PDGFRL: variants seen among roughly 807,000 people sequenced by gnomAD.
PDGFRL encodes platelet-derived growth factor receptor-like protein.
In PDGFRL, 46 loss-of-function variants were observed where a neutral mutation model predicts 37.2. That is an observed-to-expected ratio of 1.24 (90% CI 0.98 to 1.58). PDGFRL has a LOEUF of 1.58. Among genes scored for constraint, PDGFRL ranks in the 40% most tolerant of loss-of-function variants. The pLI is 0.00. For synonymous variants in PDGFRL, 251 were observed against 184.3 expected (o/e 1.36, Z -2.93); for missense variants, 692 against 467.6 (o/e 1.48, Z -4.43).
intron 1 of PDGFRL, among the ~76,000 whole-genome samples, chr8:17,578,671 AC>A (rs1432822575): frequency 1.3e-5 from 2 of 152,130 alleles, no homozygotes; most frequent in African/African-American, 2.4e-5. Context: ...CTTTGTTTAT[AC>A]CCAACTTGCC....
chr8:17,585,779 T>C (rs572711811), intron 1 of PDGFRL, among the ~76,000 whole-genome samples: 1 of 152,316 alleles, frequency 6.6e-6, no homozygotes, highest in African/African-American at 2.4e-5. Flanking sequence ...AATGAATTTA[T>C]TTTCTCCTCC....
chr8:17,582,504 C>T (rs1452492273), intron 1 of PDGFRL, among the ~76,000 whole-genome samples: 1 of 148,466 alleles, frequency 6.7e-6, no homozygotes, highest in Admixed American at 6.8e-5. Flanking sequence ...GTCGCTTGAA[C>T]TCGGGAAGAG....
chr8:17,637,713 G>T (rs1366056218), intron 5 of PDGFRL, among the ~76,000 whole-genome samples: 1 of 151,972 alleles, frequency 6.6e-6, no homozygotes, highest in Non-Finnish European at 1.5e-5. Flanking sequence ...TATTTTTGTT[G>T]GCAGTTTTTT....
intron 2 of PDGFRL, among the ~76,000 whole-genome samples, chr8:17,620,041 G>A (rs897740633): frequency 6.6e-6 from 1 of 152,060 alleles, no homozygotes; most frequent in African/African-American, 2.4e-5. Context: ...TGACTCACTG[G>A]AATCTCAAAT....
At chr8:17,609,629 C>G (rs1418440791) in intron 2 of PDGFRL, among the ~76,000 whole-genome samples, 1 of 70,128 alleles carries the variant, frequency 1.4e-5, no homozygotes, top group Non-Finnish European at 2.5e-5. Context: ...CAGAGTGAGA[C>G]TCTGTAAAAA....
intron 2 of PDGFRL, among the ~76,000 whole-genome samples, chr8:17,604,788 G>A (rs1396160848): frequency 1.3e-5 from 2 of 152,018 alleles, no homozygotes; most frequent in East Asian, 3.9e-4. Context: ...ATTATGAGTC[G>A]AGGATTTAAA....
chr8:17,613,093 A>G (rs942580690), intron 2 of PDGFRL, among the ~76,000 whole-genome samples: 2 of 152,196 alleles, frequency 1.3e-5, no homozygotes, highest in African/African-American at 2.4e-5. Context: ...GGGTCTCTCC[A>G]TCTCTTAGAT....
intron 2 of PDGFRL, among the ~76,000 whole-genome samples, chr8:17,591,139 C>T (rs1803930522): frequency 6.6e-6 from 1 of 152,098 alleles, no homozygotes; most frequent in African/African-American, 2.4e-5. Context: ...GCCTCGGCCT[C>T]CCAAAGTGCT....
intron 2 of PDGFRL, among the ~76,000 whole-genome samples, chr8:17,617,691 C>G (rs181499095): frequency 3.3e-5 from 5 of 152,202 alleles, no homozygotes; most frequent in Non-Finnish European, 7.3e-5. Flanking sequence ...GAACTGTTTT[C>G]CAGTGCGTTT....
At chr8:17,613,405 A>T (rs1335392440) in intron 2 of PDGFRL, among the ~76,000 whole-genome samples, 4 of 152,214 alleles carry the variant, frequency 2.6e-5, no homozygotes, top group African/African-American at 7.2e-5. Context: ...TGACCCCAGC[A>T]GGTGACAGAG....
chr8:17,641,827 T>C (rs1171350125), intron 5 of PDGFRL, among the ~76,000 whole-genome samples: 1 of 149,774 alleles, frequency 6.7e-6, no homozygotes, highest in Non-Finnish European at 1.5e-5. Flanking sequence ...TCCGGCATCC[T>C]GGTACCAGGC....
intron 4 of PDGFRL, among the ~76,000 whole-genome samples, chr8:17,631,462 T>C (rs1312423703): frequency 1.3e-5 from 2 of 152,112 alleles, no homozygotes; most frequent in African/African-American, 4.8e-5. Context: ...ATGGTGCTTA[T>C]TCAGCAGGCC....
At chr8:17,619,681 A>G (rs1804594582) in intron 2 of PDGFRL, among the ~76,000 whole-genome samples, 1 of 152,200 alleles carries the variant, frequency 6.6e-6, no homozygotes, top group Non-Finnish European at 1.5e-5. Flanking sequence ...ATCTTTATTG[A>G]TGAAAGGGAT....
intron 2 of PDGFRL, among the ~76,000 whole-genome samples, chr8:17,618,197 T>A (rs1343345904): frequency 6.6e-6 from 1 of 152,158 alleles, no homozygotes; most frequent in East Asian, 1.9e-4. Context: ...TAGCTAGGAC[T>A]ACATGCACAC....
intron 1 of PDGFRL, among the ~76,000 whole-genome samples, chr8:17,587,645 G>C (rs73198130): frequency 0.13 from 19,946 of 152,026 alleles, 1,795 homozygotes; most frequent in Non-Finnish European, 0.2. Context: ...GTGGGCTCAA[G>C]TCTCGGTCTC....
rs1243198448 is a variant in PDGFRL, at chr8:17,596,513, C to T, written c.353+6748C>T. On this transcript the variant is annotated intron_variant, in intron 2 of 5. Coordinates refer to ENST00000251630, the MANE Select transcript of PDGFRL (RefSeq NM_001372073.1). ...GACTTCCTACACAAAGCATCTTAAGCTTAGAGGATTCCATGCTTGAAGTTT... is the reference window on the plus strand; with the variant it reads ...GACTTCCTACACAAAGCATCTTAAGTTTAGAGGATTCCATGCTTGAAGTTT... 9.1e-5 allele frequency: 33 copies of T among 361,346 alleles called. No individual in the cohort carries two copies. The Admixed American group carries it at 1.5e-3, about 17-fold the overall frequency. The allele number at this position is 361,346 out of a possible 1,614,324, so 22.4% of individuals were successfully genotyped here.
intron 2 of PDGFRL, among the ~76,000 whole-genome samples, chr8:17,611,149 C>G (rs1053013434): frequency 6.6e-6 from 1 of 152,242 alleles, no homozygotes; most frequent in Non-Finnish European, 1.5e-5. Context: ...CTGCCTCTAG[C>G]TGGCCTTGTA....
chr8:17,599,319 C>G (rs190631324), intron 2 of PDGFRL, among the ~76,000 whole-genome samples: 2 of 152,174 alleles, frequency 1.3e-5, no homozygotes, highest in Non-Finnish European at 2.9e-5. Context: ...CCCCAAGTCC[C>G]TAAAGTCCAT....
At position 17,634,217 on chromosome 8, in the gene PDGFRL, A is replaced by T; in HGVS notation, c.939+4A>T. On this transcript the variant is annotated splice_donor_region_variant and intron_variant, in intron 5 of 5. Coordinates refer to ENST00000251630, the MANE Select transcript of PDGFRL (RefSeq NM_001372073.1). ...CTGGATCTTCCCAGGGCAGAAGGTA[A>T]GTGTTGTACCTGCATCTCAGCCCCT... The T allele has an allele frequency of 6.2e-7, 1 of 1,605,926 alleles. No individual in the cohort carries two copies. Among genetic ancestry groups the T allele is most frequent in the Non-Finnish European group, 8.5e-7 (1 of 1,174,962 alleles).
Sources: gnomAD v4.1 joint callset for allele counts (sites outside exome capture counted in the v4.1 genomes callset) on GRCh38, gnomAD v4.1.1 for gene constraint, MANE v1.5 for transcripts, NCBI Gene and HGNC (gene_info 2026-07-23, HGNC 2026-07-21) for gene names.